TNFSF4: variants seen among roughly 807,000 people sequenced by gnomAD.
TNFSF4 encodes the protein TNF superfamily member 4.
In TNFSF4, 4 loss-of-function variants were observed where a neutral mutation model predicts 7.3. The ratio of observed to expected loss-of-function variants is 0.55; its 90% CI spans 0.27 to 1.25. TNFSF4 has a LOEUF of 1.25. Ranked by LOEUF, TNFSF4 falls within the 50% of genes most tolerant of loss-of-function variation. TNFSF4 has a pLI of 0.12. For synonymous variants in TNFSF4, 76 were observed against 83.7 expected, an observed-to-expected ratio of 0.91 and a Z score of 0.50; for missense variants, 181 against 208.8, an observed-to-expected ratio of 0.87 and a Z score of 0.82.
chr1:173,185,240 C>T lies in TNFSF4; in HGVS notation c.*1276G>A, dbSNP rs945034446. ...ATTTATGTTTATAAAAGGTTTGGCA[C>T]AGAGAAGTTACAAATCATCTGGAAA... On this transcript the variant is annotated 3_prime_UTR_variant, in exon 3 of 3. Coordinates refer to ENST00000281834, the MANE Select transcript of TNFSF4 (RefSeq NM_003326.5). The T allele has an allele frequency of 6.6e-6, 1 of 152,162 alleles. No homozygotes were observed. Among genetic ancestry groups the T allele is most frequent in the Non-Finnish European group, 1.5e-5 (1 of 68,040 alleles). The allele number at this position is 152,162 out of a possible 1,614,324, so 9.4% of individuals were successfully genotyped here.
At chr1:173,294,029 T>C in the TNFSF4 span, among the ~76,000 whole-genome samples, 1 of 152,150 alleles carries the variant, frequency 6.6e-6, no homozygotes, top group Non-Finnish European at 1.5e-5. Context: ...GTTCAGCCAC[T>C]GTGGAAAGCA....
chr1:173,173,509 A>G, the TNFSF4 span, among the ~76,000 whole-genome samples: 2 of 152,208 alleles, frequency 1.3e-5, no homozygotes, highest in Non-Finnish European at 2.9e-5. Context: ...TAATAGGGCA[A>G]ACAACAAAGG....
At chr1:173,390,385 T>G in the TNFSF4 span, among the ~76,000 whole-genome samples, 1 of 152,210 alleles carries the variant, frequency 6.6e-6, no homozygotes, top group Non-Finnish European at 1.5e-5. Context: ...CCTACAACCT[T>G]TCCAAGTTTT....
the TNFSF4 span, among the ~76,000 whole-genome samples, chr1:173,378,298 G>C: frequency 6.6e-6 from 1 of 151,024 alleles, no homozygotes; most frequent in Non-Finnish European, 1.5e-5. Flanking sequence ...GACCATTGCA[G>C]GTTCTTGGGC....
chr1:173,345,684 A>G, the TNFSF4 span, among the ~76,000 whole-genome samples: 1 of 152,226 alleles, frequency 6.6e-6, no homozygotes, highest in African/African-American at 2.4e-5. Context: ...GATGGACTAA[A>G]TGGACCAAGG....
At chr1:173,245,607 A>T in the TNFSF4 span, among the ~76,000 whole-genome samples, 1 of 152,164 alleles carries the variant, frequency 6.6e-6, no homozygotes, top group African/African-American at 2.4e-5. Flanking sequence ...GGAAATTCAA[A>T]ATCCTCTCTT....
At chr1:173,398,034 A>C in the TNFSF4 span, among the ~76,000 whole-genome samples, 2 of 152,194 alleles carry the variant, frequency 1.3e-5, no homozygotes, top group Non-Finnish European at 2.9e-5. Context: ...TGGTTTGCAG[A>C]TATTGATCTG....
chr1:173,386,453 AG>A, the TNFSF4 span, among the ~76,000 whole-genome samples: 52 of 152,300 alleles, frequency 3.4e-4, no homozygotes, highest in African/African-American at 1.2e-3. Flanking sequence ...CCCCCAACCA[AG>A]GCAATGTCCA....
At chr1:173,329,462 G>A in the TNFSF4 span, among the ~76,000 whole-genome samples, 1 of 152,134 alleles carries the variant, frequency 6.6e-6, no homozygotes. Context: ...ATCAACAGAT[G>A]CAAAGCCCAT....
chr1:173,276,550 T>G, the TNFSF4 span, among the ~76,000 whole-genome samples: 1 of 152,044 alleles, frequency 6.6e-6, no homozygotes, highest in Admixed American at 6.6e-5. Context: ...AGCCACTGAG[T>G]TGGAGGCCTT....
chr1:173,293,241 A>G, the TNFSF4 span, among the ~76,000 whole-genome samples: 15 of 152,170 alleles, frequency 9.9e-5, no homozygotes, highest in Non-Finnish European at 1.9e-4. Flanking sequence ...TAACCAAAAC[A>G]GCATAGTATT....
the TNFSF4 span, among the ~76,000 whole-genome samples, chr1:173,327,256 A>G: frequency 6.6e-6 from 1 of 152,258 alleles, no homozygotes; most frequent in Non-Finnish European, 1.5e-5. Flanking sequence ...GACAAAAACA[A>G]GCAATGGGGA....
At chr1:173,254,567 T>C in the TNFSF4 span, among the ~76,000 whole-genome samples, 3 of 152,202 alleles carry the variant, frequency 2.0e-5, no homozygotes, top group Admixed American at 2.0e-4. Context: ...TTTGGCTTGT[T>C]CTCACCTGTT....
the TNFSF4 span, among the ~76,000 whole-genome samples, chr1:173,320,328 T>C: frequency 7.6e-4 from 116 of 152,274 alleles, 4 homozygotes; most frequent in South Asian, 0.024. Flanking sequence ...TGATGAAACA[T>C]ATCTCAAAAT....
the TNFSF4 span, among the ~76,000 whole-genome samples, chr1:173,399,436 T>C: frequency 6.6e-6 from 1 of 152,114 alleles, no homozygotes; most frequent in Non-Finnish European, 1.5e-5. Context: ...GCAATGCAAC[T>C]CGCTGTCCAC....
the TNFSF4 span, among the ~76,000 whole-genome samples, chr1:173,313,399 T>C: frequency 1.3e-5 from 2 of 152,132 alleles, no homozygotes; most frequent in East Asian, 1.9e-4. Context: ...TTAAACTATA[T>C]GCATGCTGTG....
the TNFSF4 span, among the ~76,000 whole-genome samples, chr1:173,394,302 G>C: frequency 6.6e-6 from 1 of 150,940 alleles, no homozygotes; most frequent in Non-Finnish European, 1.5e-5. Flanking sequence ...ATCCTGACTT[G>C]AGGACTGCAG....
chr1:173,347,510 T>C, the TNFSF4 span, among the ~76,000 whole-genome samples: 2 of 152,210 alleles, frequency 1.3e-5, no homozygotes, highest in East Asian at 3.8e-4. Context: ...ATGCAGTAAG[T>C]ATTAACTCAT....
chr1:173,378,212 G>A, the TNFSF4 span, among the ~76,000 whole-genome samples: 9,027 of 152,108 alleles, frequency 0.059, 909 homozygotes, highest in African/African-American at 0.2. Flanking sequence ...TCCAGGGACC[G>A]TTGCGGGTTC....
Sources: gnomAD v4.1 joint callset for allele counts (sites outside exome capture counted in the v4.1 genomes callset) on GRCh38, gnomAD v4.1.1 for gene constraint, MANE v1.5 for transcripts, NCBI Gene and HGNC (gene_info 2026-07-23, HGNC 2026-07-21) for gene names.